The following PCDH11X variants were observed in gnomAD, a reference collection of about 807,000 sequenced individuals.
PCDH11X encodes the protein protocadherin 11 X-linked, also known as protocadherin-11 X-linked.
A neutral mutation model predicts 53.3 loss-of-function variants in PCDH11X; 18 were observed. The observed-to-expected ratio is 0.34, with a 90% confidence interval of 0.23 to 0.50. PCDH11X has a LOEUF of 0.50. Ranked by LOEUF, PCDH11X falls within the 20% of genes least tolerant of loss-of-function variation. The pLI is 0.98. For synonymous variants in PCDH11X, 279 were observed against 393.3 expected, an observed-to-expected ratio of 0.71 and a Z score of 3.44; for missense variants, 570 against 1,032.4, an observed-to-expected ratio of 0.55 and a Z score of 6.14.
intron 8 of PCDH11X, among the ~76,000 whole-genome samples, chrX:92,353,603 A>G (rs1358581595): frequency 2.7e-5 from 3 of 110,612 alleles, no homozygotes; most frequent in Non-Finnish European, 5.7e-5. Flanking sequence ...CTAATGCATG[A>G]CGTCTTTTAA....
At chrX:92,249,776 G>A (rs1162909189) in intron 7 of PCDH11X, among the ~76,000 whole-genome samples, 1 of 111,415 alleles carries the variant, frequency 9.0e-6, no homozygotes, top group Non-Finnish European at 1.9e-5. Context: ...CTTTAATTTG[G>A]CTTTCATTAT....
chrX:92,191,357 T>A (rs751338485), intron 6 of PCDH11X, among the ~76,000 whole-genome samples: 1 of 112,348 alleles, frequency 8.9e-6, no homozygotes, highest in Non-Finnish European at 1.9e-5. Flanking sequence ...CGTCCTTTTG[T>A]TCTTTATTCA....
At chrX:92,467,977 G>A (rs1332981567) in intron 9 of PCDH11X, among the ~76,000 whole-genome samples, 3 of 111,398 alleles carry the variant, frequency 2.7e-5, no homozygotes, top group Non-Finnish European at 5.7e-5. Context: ...CATCACAGGC[G>A]ACGAAGCTAG....
chrX:92,305,004 G>T (rs2068796068), intron 8 of PCDH11X, among the ~76,000 whole-genome samples: 1 of 110,548 alleles, frequency 9.0e-6, no homozygotes, highest in Non-Finnish European at 1.9e-5. Flanking sequence ...AGATAATCTA[G>T]GAAATTGGAA....
At chrX:91,828,521 A>AT (rs1227384159) in intron 4 of PCDH11X, among the ~76,000 whole-genome samples, 159 of 111,071 alleles carry the variant, frequency 1.4e-3, no homozygotes, top group African/African-American at 5.0e-3. Context: ...TTGGTTATCC[A>AT]TTTTTTTGGT....
chrX:91,841,314 C>A (rs189683445), intron 5 of PCDH11X, among the ~76,000 whole-genome samples: 1 of 111,303 alleles, frequency 9.0e-6, no homozygotes, highest in East Asian at 2.8e-4. Flanking sequence ...ATTAAAAATC[C>A]CACAGTATGG....
chrX:92,113,698 C>A (rs35204408), intron 6 of PCDH11X: 22 of 1,200,033 alleles, frequency 1.8e-5, no homozygotes, highest in Non-Finnish European at 2.5e-5. Flanking sequence ...CCACTCCTCT[C>A]GTTCCACGTT....
At chrX:91,796,169 T>TG (rs1181878882) in intron 1 of PCDH11X, among the ~76,000 whole-genome samples, 1 of 111,964 alleles carries the variant, frequency 8.9e-6, no homozygotes, top group African/African-American at 3.2e-5. Context: ...TTTGTTTGAA[T>TG]GAAAATTTAT....
chrX:92,173,983 T>A (rs62606319), intron 6 of PCDH11X, among the ~76,000 whole-genome samples: 1 of 47,671 alleles, frequency 2.1e-5, no homozygotes, highest in African/African-American at 9.5e-5. Context: ...AGACCCAGTC[T>A]CAAAAAAAAA....
chrX:91,785,272 A>G (rs182017714), intron 1 of PCDH11X, among the ~76,000 whole-genome samples: 1,039 of 102,278 alleles, frequency 0.01, 18 homozygotes, highest in African/African-American at 0.036. Context: ...TCAAGTTTAA[A>G]TATTTTGAGA....
chrX:92,305,465 T>C (rs2068806405), intron 8 of PCDH11X, among the ~76,000 whole-genome samples: 1 of 109,507 alleles, frequency 9.1e-6, no homozygotes, highest in Non-Finnish European at 1.9e-5. Flanking sequence ...ATCTGGTGTC[T>C]CTTCCTCAGT....
intron 9 of PCDH11X, among the ~76,000 whole-genome samples, chrX:92,429,444 A>G (rs139650863): frequency 0.014 from 1,564 of 109,874 alleles, 27 homozygotes; most frequent in African/African-American, 0.049. Flanking sequence ...CATACCCTTC[A>G]GGAATTAAAT....
chrX:91,825,447 G>A (rs959725707), intron 4 of PCDH11X, among the ~76,000 whole-genome samples: 1 of 111,801 alleles, frequency 8.9e-6, no homozygotes, highest in Non-Finnish European at 1.9e-5. Flanking sequence ...TCCAGGTGCC[G>A]TCCGTCACCC....
chrX:92,392,103 T>G (rs969630563), intron 9 of PCDH11X, among the ~76,000 whole-genome samples: 12 of 111,087 alleles, frequency 1.1e-4, no homozygotes, highest in African/African-American at 3.9e-4. Flanking sequence ...ATGTTATAGC[T>G]GGTCTAGTGT....
chrX:91,954,529 C>G (rs891143824), intron 6 of PCDH11X, among the ~76,000 whole-genome samples: 13 of 111,443 alleles, frequency 1.2e-4, no homozygotes, highest in Admixed American at 3.8e-4. Flanking sequence ...TTTGAGGAAT[C>G]ACCACACTGT....
intron 6 of PCDH11X, chrX:91,883,270 G>T (rs1479130271): frequency 4.0e-6 from 3 of 756,855 alleles, no homozygotes; most frequent in Non-Finnish European, 4.7e-6. Context: ...TAATATATCA[G>T]TCATGAAACA....
chrX:91,830,754 G>A (rs1224465462), intron 4 of PCDH11X, among the ~76,000 whole-genome samples: 5 of 110,968 alleles, frequency 4.5e-5, no homozygotes, highest in African/African-American at 1.6e-4. Context: ...GGAATGATGA[G>A]ATTTAAGTGG....
intron 6 of PCDH11X, among the ~76,000 whole-genome samples, chrX:92,053,171 T>C (rs1460944389): frequency 9.0e-6 from 1 of 111,319 alleles, no homozygotes; most frequent in East Asian, 2.8e-4. Context: ...ATTTCAGGTG[T>C]TTCTCCAATT....
At chrX:92,284,397 G>A (rs1171828820) in intron 8 of PCDH11X, among the ~76,000 whole-genome samples, 2 of 111,071 alleles carry the variant, frequency 1.8e-5, no homozygotes, top group African/African-American at 3.3e-5. Context: ...ATTACTATTT[G>A]CTTTTTAAGC....
Sources: allele counts gnomAD v4.1 joint callset (sites outside exome capture counted in the v4.1 genomes callset), GRCh38; gene constraint gnomAD v4.1.1; transcripts MANE v1.5; gene names NCBI Gene and HGNC (gene_info 2026-07-23, HGNC 2026-07-21).